The following DNAH7 variants were observed in gnomAD, a reference collection of about 807,000 sequenced individuals.
The protein encoded by DNAH7 is axonemal beta dynein heavy chain 7.
Under a neutral mutation model 444.6 loss-of-function variants are expected in DNAH7, and 397 were observed. The observed-to-expected ratio is 0.89, with a 90% CI of 0.82 to 0.97. The LOEUF (loss-of-function observed/expected upper bound fraction) is 0.97. DNAH7 is among the 50% of genes least tolerant of loss of function. DNAH7 has a pLI of 0.00. For synonymous variants in DNAH7, 1,636 were observed against 1,624.4 expected, an observed-to-expected ratio of 1.01 and a Z score of -0.17; for missense variants, 4,902 against 4,800.8, an observed-to-expected ratio of 1.02 and a Z score of -0.62.
chr2:195,869,465 A>G (rs1700548242), intron 40 of DNAH7, among the ~76,000 whole-genome samples: 1 of 152,150 alleles, frequency 6.6e-6, no homozygotes, highest in Non-Finnish European at 1.5e-5. Flanking sequence ...TGAACAACAC[A>G]TATAACGAAT....
chr2:195,964,957 C>T (rs1691373211), intron 17 of DNAH7, among the ~76,000 whole-genome samples: 1 of 151,804 alleles, frequency 6.6e-6, no homozygotes, highest in Admixed American at 6.6e-5. Context: ...CCCTTTATTT[C>T]CTTCTCTCAT....
At chr2:195,998,873 G>A (rs558459426) in intron 12 of DNAH7, 33 of 452,340 alleles carry the variant, frequency 7.3e-5, no homozygotes, top group African/African-American at 3.4e-4. Flanking sequence ...CTTTTATAAC[G>A]TATAGCTAAG....
At position 196,068,622 on chromosome 2, in the gene DNAH7, G is replaced by A. The variant is rs1025971204; in HGVS notation, c.15+75C>T. On this transcript the variant is annotated intron_variant, in intron 1 of 64. Coordinates refer to ENST00000312428, the MANE Select transcript of DNAH7 (RefSeq NM_018897.3). ...CAGCTGGGGAGTTCGCTAGGCAGGAGGGGCTTCCACCACTTCCGAAACGCC... is the reference window on the plus strand; with the variant it reads ...CAGCTGGGGAGTTCGCTAGGCAGGAAGGGCTTCCACCACTTCCGAAACGCC... 78 of 1,542,250 alleles carry A rather than the reference G, an allele frequency of 5.1e-5. No individual in the cohort carries two copies. In the African/African-American group the frequency reaches 9.3e-4, roughly 18 times the overall value.
chr2:195,855,670 G>C (rs1170214916), intron 45 of DNAH7, 141 bp downstream of exon 45: 4 of 788,522 alleles, frequency 5.1e-6, no homozygotes, highest in Non-Finnish European at 7.7e-6. Context: ...ACAGGCGATG[G>C]GCAGATGTGG....
chr2:195,881,527 T>C lies in DNAH7; in HGVS notation c.5961+268A>G, dbSNP rs374789369. ...ATTCTCATGTGGAACAAGCAATTCT[T>C]ATTAAAATATCAAAATAAATGGGAC... On this transcript the variant is annotated intron_variant, in intron 36 of 64. Coordinates refer to ENST00000312428, the MANE Select transcript of DNAH7 (RefSeq NM_018897.3). Among the ~76,000 whole-genome samples the C allele has an allele frequency of 3.3e-5, 5 of 152,204 alleles. No homozygotes were observed. In the East Asian group the frequency reaches 9.6e-4, roughly 29 times the overall value.
chr2:196,020,612 G>GTTT (rs201513142), intron 8 of DNAH7, among the ~76,000 whole-genome samples: 7 of 133,670 alleles, frequency 5.2e-5, no homozygotes, highest in Non-Finnish European at 8.1e-5. Flanking sequence ...TGGGGCTTTT[G>GTTT]TTTTTTTTTT....
chr2:195,872,504 G>A (rs772733768), intron 39 of DNAH7, 35 bp from the exon 40 acceptor site: 7 of 1,420,690 alleles, frequency 4.9e-6, no homozygotes, highest in Non-Finnish European at 3.9e-6. Flanking sequence ...AAAGGAAAAT[G>A]TTAGCAATTA....
intron 11 of DNAH7, among the ~76,000 whole-genome samples, chr2:196,001,408 A>C (rs530312450): frequency 6.6e-6 from 1 of 150,568 alleles, no homozygotes; most frequent in African/African-American, 2.5e-5. Flanking sequence ...TCTGTTGTCC[A>C]GGCTGGAGTG....
Position 195,745,402 on chromosome 2 carries a change from G to C in DNAH7, c.11765-4533C>G, listed in dbSNP as rs945096472. On this transcript the variant is annotated intron_variant, in intron 63 of 64. Coordinates refer to ENST00000312428, the MANE Select transcript of DNAH7 (RefSeq NM_018897.3). ...CATTGGTGTACCTGAAAGTGACGAG[G>C]AGAATGGAACCAAGTTGGAAAACAC... 7.8e-4 allele frequency among the ~76,000 whole-genome samples: 119 copies of C among 152,214 alleles called. 9 individuals are homozygous for C. Among genetic ancestry groups the C allele is most frequent in the Non-Finnish European group, 1.0e-4 (7 of 68,050 alleles).
In DNAH7 at chr2:196,012,805, T is replaced by G; in HGVS notation, c.971A>C (p.Lys324Thr). 6.3e-7 allele frequency: 1 copy of G among 1,599,348 alleles called. No homozygotes were observed. Among genetic ancestry groups the G allele is most frequent in the Non-Finnish European group, 8.5e-7 (1 of 1,173,658 alleles). ...CCTTTACATTTTAAGTAGAGTCTCT[T>G]TGGCAGAGTCCATGTGTCTCATGAT... is the stretch of plus-strand genomic sequence containing the variant. ...NIIMRHMDSA[K>T]ETLLKMWFPE... The change falls in exon 10 of 65, where the codon AAA becomes ACA. Residue 324 changes from lysine to threonine, a missense_variant. By Grantham distance (78) the Lys-to-Thr change is moderately conservative. Coordinates refer to ENST00000312428, the MANE Select transcript of DNAH7 (RefSeq NM_018897.3).
rs192646926 is a variant in DNAH7 at position 195,960,849 on chromosome 2, G to A, written c.2302C>T (p.Arg768Cys). 119 of 1,614,078 alleles carry A rather than the reference G, an allele frequency of 7.4e-5. 1 individual carries two copies. The African/African-American group carries it at 1.2e-3, about 16-fold the overall frequency. Residue 768 changes from arginine to cysteine, a missense_variant, in exon 18 of 65, where the codon CGT becomes TGT. Arg to Cys is a radical substitution (Grantham distance 180, BLOSUM62 -3). Transcript: ENST00000312428. The part of the protein sequence containing the change: ...KIQDGLNPYL[R>C]LYETAVEFSS... ...AATTCGACAGCAGTTTCATAAAGAC[G>A]AAGATAAGGGTTCAAGCCATCTTGG...
rs557002837 is a variant in DNAH7, at chr2:196,041,861, A to C, written c.398+5491T>G. ...AAGGAACTCAAACAACTCAACAACAAATAATAATAATAATAATAATTTGAT... is the reference window on the plus strand; with the variant it reads ...AAGGAACTCAAACAACTCAACAACACATAATAATAATAATAATAATTTGAT... On this transcript the variant is annotated intron_variant, in intron 5 of 64. Coordinates refer to ENST00000312428, the MANE Select transcript of DNAH7 (RefSeq NM_018897.3). 7.7e-5 allele frequency among the ~76,000 whole-genome samples: 11 copies of C among 143,106 alleles called. No homozygotes were observed. The South Asian group carries it at 1.8e-3, about 23-fold the overall frequency. 93.9% of individuals were successfully genotyped at this position (143,106 alleles called of 152,430 possible). A position where few individuals can be genotyped will look rare whatever the true frequency, so the allele number is the denominator to read the frequency against.
At chr2:195,814,053 G>T (rs13035759) in intron 51 of DNAH7, among the ~76,000 whole-genome samples, 3 of 151,962 alleles carry the variant, frequency 2.0e-5, no homozygotes, top group Non-Finnish European at 4.4e-5. Flanking sequence ...GGGGGAGAGG[G>T]TTAGTGATCA....
rs1226573563 is a variant in DNAH7 at position 195,884,773 on chromosome 2, C to T, written c.5575G>A (p.Ala1859Thr). Residue 1859 changes from alanine to threonine, a missense_variant, in exon 35 of 65, where the codon GCT (alanine) becomes ACT (threonine). Physicochemically the swap from Ala to Thr is moderately conservative, Grantham distance 58. Transcript: ENST00000312428. ...FLFSLIWSVG[A>T]SCTDDDRLKF... ...AATCGATCATCATCTGTACAAGAAG[C>T]ACCAACGGACCAGATCAATGAAAAC... 5 of 1,613,752 alleles carry T rather than the reference C, an allele frequency of 3.1e-6. No homozygotes were observed. The highest frequency in any genetic ancestry group is 4.2e-6 in the Non-Finnish European group (5 of 1,179,936).
chr2:195,835,138 A>T (rs1179398563), intron 47 of DNAH7, among the ~76,000 whole-genome samples: 1 of 152,174 alleles, frequency 6.6e-6, no homozygotes, highest in Non-Finnish European at 1.5e-5. Flanking sequence ...CCTTGTGTGA[A>T]ATGTAATTGG....
At chr2:195,940,105 C>T (rs2125430982) in intron 19 of DNAH7, among the ~76,000 whole-genome samples, 1 of 152,292 alleles carries the variant, frequency 6.6e-6, no homozygotes, top group Non-Finnish European at 1.5e-5. Context: ...AGGCATCATG[C>T]TACCTGACTT....
At chr2:195,783,196 CATATCCATTGTATCT>C (rs1468203963) in intron 58 of DNAH7, among the ~76,000 whole-genome samples, 1 of 152,210 alleles carries the variant, frequency 6.6e-6, no homozygotes, top group Non-Finnish European at 1.5e-5. Context: ...CTTTCCCCTA[CATATCCATTGTATCT>C]CTACCATGTT....
chr2:195,986,034 G>A (rs1348325918), intron 14 of DNAH7, among the ~76,000 whole-genome samples: 1 of 151,918 alleles, frequency 6.6e-6, no homozygotes, highest in Non-Finnish European at 1.5e-5. Context: ...TCTCTTCCTG[G>A]AATTATTTTA....
chr2:195,747,923 A>C (rs1693529066), intron 63 of DNAH7, among the ~76,000 whole-genome samples: 1 of 152,238 alleles, frequency 6.6e-6, no homozygotes, highest in African/African-American at 2.4e-5. Context: ...GAAAACTGGC[A>C]CAAGACAGGG....
Sources: allele counts gnomAD v4.1 joint callset (sites outside exome capture counted in the v4.1 genomes callset), GRCh38; gene constraint gnomAD v4.1.1; transcripts MANE v1.5; gene names NCBI Gene and HGNC (gene_info 2026-07-23, HGNC 2026-07-21).